TF: variants seen among roughly 807,000 people sequenced by gnomAD.
TF encodes serotransferrin.
TF carries 55 observed loss-of-function variants against 82.4 expected under a neutral mutation model. The observed-to-expected ratio is 0.67, with a 90% CI of 0.54 to 0.84. TF has a LOEUF of 0.84. Among genes scored for constraint, TF ranks in the 40% least tolerant of loss-of-function variants. The pLI, the probability that TF is intolerant of heterozygous loss-of-function variation, is 0.00. For synonymous variants in TF, 332 were observed against 332.6 expected, an observed-to-expected ratio of 1.00 and a Z score of 0.02; for missense variants, 737 against 868.4, an observed-to-expected ratio of 0.85 and a Z score of 1.90.
chr3:133,723,635 CTT>C, the TF span, among the ~76,000 whole-genome samples: 1 of 77,438 alleles, frequency 1.3e-5, no homozygotes, highest in Non-Finnish European at 2.4e-5. Context: ...CTGTTTGGTT[CTT>C]TTATTATTAT....
the TF span, among the ~76,000 whole-genome samples, chr3:133,718,938 A>G: frequency 2.6e-5 from 4 of 152,214 alleles, no homozygotes; most frequent in Non-Finnish European, 4.4e-5. Flanking sequence ...AGCTTAAGAA[A>G]TGTGAATGGG....
intron 4 of TF, 60 bp from the exon 5 acceptor site, chr3:133,755,303 T>G (rs8177225): frequency 0.11 from 174,381 of 1,612,708 alleles, 9,882 homozygotes; most frequent in Non-Finnish European, 0.11. Context: ...GGTGGGGTGA[T>G]GCCATTGGCT....
chr3:133,699,011 C>T, the TF span, among the ~76,000 whole-genome samples: 1 of 152,186 alleles, frequency 6.6e-6, no homozygotes, highest in Non-Finnish European at 1.5e-5. Context: ...ATGCGTCAGC[C>T]CCAGACTAGT....
At chr3:133,683,773 G>T in the TF span, among the ~76,000 whole-genome samples, 3 of 152,094 alleles carry the variant, frequency 2.0e-5, no homozygotes, top group Non-Finnish European at 2.9e-5. Context: ...ACACCCCCCT[G>T]TCAACATTAG....
At chr3:133,733,936 C>G in the TF span, among the ~76,000 whole-genome samples, 1 of 151,984 alleles carries the variant, frequency 6.6e-6, no homozygotes, top group Non-Finnish European at 1.5e-5. Flanking sequence ...GGCAGTGGCT[C>G]CTGAGACACT....
the TF span, among the ~76,000 whole-genome samples, chr3:133,672,811 G>GAAAGAA: frequency 6.9e-6 from 1 of 144,844 alleles, no homozygotes; most frequent in Non-Finnish European, 1.6e-5. Context: ...GAGAGAAAGA[G>GAAAGAA]AAAGAAAAAG....
the TF span, among the ~76,000 whole-genome samples, chr3:133,693,195 T>A: frequency 7.2e-5 from 11 of 152,166 alleles, no homozygotes; most frequent in African/African-American, 2.7e-4. Context: ...ACAAGGGCCA[T>A]CACTGAGGCC....
upstream of TF, among the ~76,000 whole-genome samples, chr3:133,744,373 C>T (rs1307990873): frequency 6.6e-6 from 1 of 152,244 alleles, no homozygotes; most frequent in Non-Finnish European, 1.5e-5. Context: ...TTCCTGCTCT[C>T]TGGCAGACCC....
the TF span, among the ~76,000 whole-genome samples, chr3:133,736,132 G>A: frequency 6.6e-3 from 1,002 of 152,324 alleles, 12 homozygotes; most frequent in African/African-American, 0.023. Context: ...CAAGCCAGAA[G>A]AGAGGGGAGC....
intron 1 of TF, 189 bp from the exon 2 acceptor site, chr3:133,748,223 C>T: frequency 1.4e-6 from 1 of 733,864 alleles, no homozygotes. Context: ...AACTGGGAGG[C>T]CATTAGGGCA....
At chr3:133,664,929 C>T in the TF span, 1 of 151,856 alleles carries the variant, frequency 6.6e-6, no homozygotes, top group South Asian at 2.1e-4. Flanking sequence ...GGTTTCGGTG[C>T]TTACTTTGGC....
chr3:133,718,170 T>C, the TF span, among the ~76,000 whole-genome samples: 1 of 152,088 alleles, frequency 6.6e-6, no homozygotes, highest in Non-Finnish European at 1.5e-5. Flanking sequence ...GAGAAGCCCA[T>C]TGCTGGAGAA....
At chr3:133,778,455 G>A (rs1934450283) in intron 16 of TF, 131 bp from the exon 17 acceptor site, 5 of 934,124 alleles carry the variant, frequency 5.4e-6, no homozygotes, top group East Asian at 2.9e-5. Flanking sequence ...TGGGAGAACG[G>A]CCCAGTTCAC....
intron 9 of TF, chr3:133,762,120 G>A (rs1223095332): frequency 9.3e-6 from 2 of 214,286 alleles, no homozygotes; most frequent in East Asian, 1.1e-4. Context: ...ACAGATGATC[G>A]ATCATAAAAA....
chr3:133,687,138 T>A, the TF span, among the ~76,000 whole-genome samples: 3 of 152,136 alleles, frequency 2.0e-5, no homozygotes, highest in Non-Finnish European at 4.4e-5. Flanking sequence ...AGGTGGGAAT[T>A]GAACAATGAG....
chr3:133,732,248 T>C, the TF span, among the ~76,000 whole-genome samples: 1 of 152,214 alleles, frequency 6.6e-6, no homozygotes, highest in Non-Finnish European at 1.5e-5. Flanking sequence ...CTGGCTGGGC[T>C]TCTGGGTCGG....
At chr3:133,744,231 T>G (rs1191173089), upstream of TF, among the ~76,000 whole-genome samples, 1 of 152,240 alleles carries the variant, frequency 6.6e-6, no homozygotes, top group African/African-American at 2.4e-5. Flanking sequence ...GCTGGAGGAC[T>G]GGCCTCAGCG....
In TF at chr3:133,789,879, G is replaced by GTTTC. The variant is rs1372575305; in HGVS notation, c.*11262_*11263insCTTT. ...GCCAAAACAAAACGATCTCGTTTGCGTTTTTTTTTTTTTTTTTTTTTTTTT... is the reference window on the plus strand; with the variant it reads ...GCCAAAACAAAACGATCTCGTTTGCGTTTCTTTTTTTTTTTTTTTTTTTTTTTTT... On this transcript the variant is annotated 3_prime_UTR_variant, in exon 17 of 17. Coordinates refer to ENST00000402696, the MANE Select transcript of TF (RefSeq NM_001063.4). 3.4e-4 allele frequency: 30 copies of GTTTC among 88,964 alleles called. 1 individual carries two copies. The highest frequency in any genetic ancestry group is 1.6e-3 in the African/African-American group (29 of 18,258). The allele number at this position is 88,964 out of a possible 1,614,324, so 5.5% of individuals were successfully genotyped here.
rs910474004 is a variant in TF at position 133,791,734 on chromosome 3, C to T, written c.*13114C>T. 1 of 152,144 alleles carries T rather than the reference C, an allele frequency of 6.6e-6. No homozygotes were observed. The highest frequency in any genetic ancestry group is 1.5e-5 in the Non-Finnish European group (1 of 68,032). The allele number at this position is 152,144 out of a possible 1,614,324, so 9.4% of individuals were successfully genotyped here. On this transcript the variant is annotated 3_prime_UTR_variant, in exon 17 of 17. Transcript: ENST00000402696. ...TGTCTTTGGGAGCTTGACCTTGTAA[C>T]CATGTGGCCATGCTTTCTCTTTTCA...
Sources: gnomAD v4.1 joint callset for allele counts (sites outside exome capture counted in the v4.1 genomes callset) on GRCh38, gnomAD v4.1.1 for gene constraint, MANE v1.5 for transcripts, NCBI Gene and HGNC (gene_info 2026-07-23, HGNC 2026-07-21) for gene names.